The following PELI2 variants were observed in gnomAD, a reference collection of about 807,000 sequenced individuals.
PELI2 encodes the protein pellino E3 ubiquitin protein ligase family member 2.
PELI2 carries 23 observed loss-of-function variants against 42.3 expected under a neutral mutation model. The observed-to-expected ratio is 0.54, with a 90% CI of 0.39 to 0.77. PELI2 has a LOEUF of 0.77. Ranked by LOEUF, PELI2 falls within the 30% of genes least tolerant of loss-of-function variation. The pLI, the probability that PELI2 is intolerant of heterozygous loss-of-function variation, is 0.00. For missense variants in PELI2, 463 were observed against 553.2 expected, an observed-to-expected ratio of 0.84 and a Z score of 1.64; for synonymous variants, 245 against 212.2, an observed-to-expected ratio of 1.15 and a Z score of -1.34.
intron 1 of PELI2, among the ~76,000 whole-genome samples, chr14:56,172,293 G>A (rs1046630222): frequency 6.6e-6 from 1 of 152,190 alleles, no homozygotes; most frequent in African/African-American, 2.4e-5. Context: ...GGAAGGGTGG[G>A]CTCTGCTGGG....
chr14:56,297,015 A>G lies in PELI2; in HGVS notation c.1112A>G (p.His371Arg). 1 of 1,614,082 alleles carries G rather than the reference A, an allele frequency of 6.2e-7. No homozygotes were observed. The highest frequency in any genetic ancestry group is 8.5e-7 in the Non-Finnish European group (1 of 1,180,012). The change falls in exon 6 of 6, where the codon CAC (histidine) becomes CGC (arginine). Residue 371 changes from histidine to arginine, a missense_variant. By Grantham distance (29) the His-to-Arg change is conservative. This residue lies in a region of PELI2 where 103 missense variants were observed against 129.6 expected (regional missense o/e 0.80). Coordinates refer to ENST00000267460, the MANE Select transcript of PELI2 (RefSeq NM_021255.3). ...PPTHAFTPCG[H>R]VCSEKSAKYW... ...ACTCATGCTTTCACTCCCTGTGGAC[A>G]CGTGTGCTCGGAGAAGTCTGCAAAA...
chr14:56,120,778 C>G (rs1037287859), intron 1 of PELI2, among the ~76,000 whole-genome samples: 4 of 152,154 alleles, frequency 2.6e-5, no homozygotes, highest in African/African-American at 4.8e-5. Flanking sequence ...AGTTGATAAA[C>G]TTGGAGAGTG....
Position 56,241,448 on chromosome 14 carries a change from T to C in PELI2, c.208-38228T>C, listed in dbSNP as rs375589670. Reference sequence around the variant, plus strand: ...TTCATGAAATTGATGTACCTCCAGATAGAAAGGGTGCAGCAAGTACAGGAG... The same window carrying C: ...TTCATGAAATTGATGTACCTCCAGACAGAAAGGGTGCAGCAAGTACAGGAG... On this transcript the variant is annotated intron_variant, in intron 2 of 5. Transcript: ENST00000267460. Among the ~76,000 whole-genome samples the C allele has an allele frequency of 1.5e-3, 223 of 152,144 alleles. 1 individual carries two copies. The highest frequency in any genetic ancestry group is 4.7e-3 in the African/African-American group (195 of 41,512).
chr14:56,253,599 A>G (rs903028739), intron 2 of PELI2, among the ~76,000 whole-genome samples: 2 of 152,230 alleles, frequency 1.3e-5, no homozygotes, highest in African/African-American at 4.8e-5. Context: ...ACCCATTCAC[A>G]ATTGCTGCTA....
At chr14:56,156,249 T>C (rs570269538) in intron 1 of PELI2, among the ~76,000 whole-genome samples, 4 of 152,320 alleles carry the variant, frequency 2.6e-5, no homozygotes, top group Non-Finnish European at 4.4e-5. Context: ...GAGTAACTTA[T>C]ATTGCAAATT....
chr14:56,145,345 T>G (rs550043310), intron 1 of PELI2, among the ~76,000 whole-genome samples: 3 of 152,088 alleles, frequency 2.0e-5, no homozygotes, highest in Non-Finnish European at 2.9e-5. Context: ...AGGCCCCACC[T>G]CCAACACTGG....
chr14:56,217,537 G>A (rs142476401), intron 2 of PELI2, among the ~76,000 whole-genome samples: 17 of 152,332 alleles, frequency 1.1e-4, no homozygotes, highest in African/African-American at 3.6e-4. Context: ...CTGAGTGACA[G>A]CCAAGCCTGG....
intron 1 of PELI2, among the ~76,000 whole-genome samples, chr14:56,172,390 A>G (rs1446787858): frequency 6.6e-6 from 1 of 152,192 alleles, no homozygotes; most frequent in Non-Finnish European, 1.5e-5. Context: ...TGGAAGTCTC[A>G]GAACATCACT....
At position 56,297,678 on chromosome 14, in the gene PELI2, T is replaced by A. The variant is rs1344527427; in HGVS notation, c.*512T>A. The A allele has an allele frequency of 5.9e-5, 9 of 152,550 alleles. No homozygotes were observed. The highest frequency in any genetic ancestry group is 5.9e-4 in the Admixed American group (9 of 15,312). The allele number at this position is 152,550 out of a possible 1,614,324, so 9.4% of individuals were successfully genotyped here. On this transcript the variant is annotated 3_prime_UTR_variant, in exon 6 of 6. Coordinates refer to ENST00000267460, the MANE Select transcript of PELI2 (RefSeq NM_021255.3). The stretch of plus-strand genomic sequence containing the variant: ...CTGTACAGTGTGACTGGTGGACAGA[T>A]GGCCTTAGGCACAGGTGGTTTTGAA...
At chr14:56,183,846 A>C (rs1311746570) in intron 2 of PELI2, among the ~76,000 whole-genome samples, 1 of 152,172 alleles carries the variant, frequency 6.6e-6, no homozygotes, top group African/African-American at 2.4e-5. Context: ...CTTACATGAA[A>C]ACCTTGTGAA....
intron 2 of PELI2, among the ~76,000 whole-genome samples, chr14:56,201,374 C>G (rs4901644): frequency 0.4 from 61,315 of 152,048 alleles, 13,070 homozygotes; most frequent in South Asian, 0.53. Context: ...ATGTGAAATA[C>G]TCACTCATCC....
At chr14:56,216,995 T>C (rs930488269) in intron 2 of PELI2, among the ~76,000 whole-genome samples, 18 of 152,250 alleles carry the variant, frequency 1.2e-4, no homozygotes, top group Admixed American at 7.2e-4. Context: ...AATTGAGTTC[T>C]AGAAGTTATT....
chr14:56,145,066 C>A, intron 1 of PELI2: 1 of 520,038 alleles, frequency 1.9e-6, no homozygotes, highest in Non-Finnish European at 2.5e-6. Context: ...AGACTAGGTT[C>A]TTTATAAAGA....
intron 2 of PELI2, among the ~76,000 whole-genome samples, chr14:56,190,788 T>G (rs1349527552): frequency 6.6e-6 from 1 of 152,256 alleles, no homozygotes; most frequent in Non-Finnish European, 1.5e-5. Context: ...CTGTTAAGTT[T>G]TTGCAAATTA....
At chr14:56,248,158 G>C (rs942967706) in intron 2 of PELI2, among the ~76,000 whole-genome samples, 3 of 152,142 alleles carry the variant, frequency 2.0e-5, no homozygotes, top group African/African-American at 7.2e-5. Flanking sequence ...ACCATTAAAA[G>C]TAGTTGCCTA....
chr14:56,160,969 T>C (rs1884740000), intron 1 of PELI2, among the ~76,000 whole-genome samples: 2 of 152,154 alleles, frequency 1.3e-5, no homozygotes, highest in South Asian at 2.1e-4. Context: ...GTGACTTTTA[T>C]TGGGCCCCTC....
intron 2 of PELI2, among the ~76,000 whole-genome samples, chr14:56,183,806 A>G (rs1279790031): frequency 1.3e-5 from 2 of 152,148 alleles, no homozygotes; most frequent in South Asian, 2.1e-4. Flanking sequence ...TATTAGTCAT[A>G]CTCAAGAAAA....
chr14:56,268,644 T>G (rs76959806), intron 2 of PELI2, among the ~76,000 whole-genome samples: 2,207 of 152,314 alleles, frequency 0.014, 59 homozygotes, highest in African/African-American at 0.05. Flanking sequence ...CAATGCTGTT[T>G]TAAAGAATGG....
chr14:56,178,530 G>A (rs1885466930), intron 2 of PELI2, 66 bp downstream of exon 2: 10 of 1,543,046 alleles, frequency 6.5e-6, no homozygotes, highest in Admixed American at 3.4e-5. Flanking sequence ...CTCCTTGTCC[G>A]CTGCTCTCTT....
Sources: allele counts gnomAD v4.1 joint callset (sites outside exome capture counted in the v4.1 genomes callset), GRCh38; gene constraint gnomAD v4.1.1; regional missense constraint gnomAD v4.1.1; transcripts MANE v1.5; gene names NCBI Gene and HGNC (gene_info 2026-07-23, HGNC 2026-07-21).